Variants in NOC2L observed in about 807,000 individuals in gnomAD.
NOC2L encodes nucleolar complex protein 2 homolog.
Under a neutral mutation model 94.2 loss-of-function variants are expected in NOC2L, and 101 were observed. The ratio of observed to expected loss-of-function variants is 1.07; its 90% CI spans 0.91 to 1.26. NOC2L has a LOEUF of 1.26. Ranked by LOEUF, NOC2L falls within the 50% of genes most tolerant of loss-of-function variation. The pLI is 0.00. For missense variants in NOC2L, 1,076 were observed against 980.1 expected (o/e 1.10, Z -1.31); for synonymous variants, 531 against 413.4 (o/e 1.28, Z -3.45).
At chr1:951,536 G>A (rs1248294608) in intron 11 of NOC2L, among the ~76,000 whole-genome samples, 2 of 152,140 alleles carry the variant, frequency 1.3e-5, no homozygotes, top group African/African-American at 4.8e-5. Flanking sequence ...TCCCAGCCTT[G>A]AGTTTCTAAG....
chr1:958,994 C>T lies in NOC2L; in HGVS notation c.114G>A (p.Ala38=), dbSNP rs774257729. The T allele has an allele frequency of 6.2e-7, 1 of 1,612,744 alleles. No homozygotes were observed. Among genetic ancestry groups the T allele is most frequent in the Non-Finnish European group, 8.5e-7 (1 of 1,179,958 alleles). Residue 38 remains alanine, a synonymous_variant, in exon 2 of 19, where the codon GCG becomes GCA. Coordinates refer to ENST00000327044, the MANE Select transcript of NOC2L (RefSeq NM_015658.4). Reference sequence around the variant, plus strand: ...CAGCCTCGCGTGCTTCCCGTGTCTCCGCTTGTGGAGAATTTTCGGACTCGG... The same window carrying T: ...CAGCCTCGCGTGCTTCCCGTGTCTCTGCTTGTGGAGAATTTTCGGACTCGG... ...SESESENSPQ[A]ETREAREAAR...
In NOC2L at chr1:952,168, G is replaced by T. The variant is rs761794552; in HGVS notation, c.1192-29C>A. 1.9e-6 allele frequency: 3 copies of T among 1,612,312 alleles called. No homozygotes were observed. The Admixed American group carries it at 5.0e-5, about 27-fold the overall frequency. On this transcript the variant is annotated intron_variant, in intron 10 of 18. Transcript: ENST00000327044. Reference sequence around the variant, plus strand: ...GTCAGAGAGAACCACGTCAGCTACTGGCCAGGCTGACAAGTCAGGCTGATG... The same window carrying T: ...GTCAGAGAGAACCACGTCAGCTACTTGCCAGGCTGACAAGTCAGGCTGATG...
intron 12 of NOC2L, among the ~76,000 whole-genome samples, chr1:950,213 TACAC>T (rs1224994390): frequency 6.7e-6 from 1 of 150,284 alleles, no homozygotes; most frequent in Non-Finnish European, 1.5e-5. Flanking sequence ...CACGCACAGG[TACAC>T]ACGCACAGTA....
chr1:958,820 A>G, intron 2 of NOC2L, 109 bp downstream of exon 2: 1 of 1,086,508 alleles, frequency 9.2e-7, no homozygotes, highest in Non-Finnish European at 1.4e-6. Flanking sequence ...TGGGGGGCAG[A>G]GGTCGGCGAT....
In NOC2L at chr1:946,505, C is replaced by T; in HGVS notation, c.1700G>A (p.Cys567Tyr). Residue 567 changes from cysteine to tyrosine, a missense_variant, in exon 15 of 19, where the codon TGC becomes TAC. Transcript: ENST00000327044. Reference protein sequence around the residue: ...FLRECKVANYCRQVQQLLGKV... With the variant: ...FLRECKVANYYRQVQQLLGKV... ...CCCAAGCAGCTGCTGCACCTGCCGG[C>T]AGTAGTTGGCCACCTTGCACTCCCG... The T allele has an allele frequency of 6.2e-7, 1 of 1,613,248 alleles. No homozygotes were observed.
At chr1:945,033 C>G (rs766738375) in intron 18 of NOC2L, 24 bp downstream of exon 18, 1 of 1,613,900 alleles carries the variant, frequency 6.2e-7, no homozygotes, top group South Asian at 1.1e-5. Flanking sequence ...CAGGGCCACA[C>G]CCTCTCACCC....
intron 11 of NOC2L, among the ~76,000 whole-genome samples, chr1:951,443 G>A (rs770882838): frequency 6.8e-6 from 1 of 147,884 alleles, no homozygotes; most frequent in Non-Finnish European, 1.5e-5. Flanking sequence ...ATTTCAACAC[G>A]GTGGCAGGGG....
chr1:953,563 C>T (rs1379598347), intron 8 of NOC2L, among the ~76,000 whole-genome samples: 1 of 152,270 alleles, frequency 6.6e-6, no homozygotes, highest in Non-Finnish European at 1.5e-5. Flanking sequence ...CGTGGCTTTG[C>T]TCACGGACTG....
chr1:958,600 C>T (rs1292531294), intron 2 of NOC2L: 7 of 530,310 alleles, frequency 1.3e-5, no homozygotes, highest in Middle Eastern at 2.8e-4. Flanking sequence ...CTCTCTTCAG[C>T]CCCTCTGTCC....
At chr1:955,826 G>A (rs1255715900) in intron 6 of NOC2L, 97 bp downstream of exon 6, 2 of 1,047,012 alleles carry the variant, frequency 1.9e-6, no homozygotes, top group African/African-American at 1.6e-5. Context: ...TGGCTCTGTT[G>A]CCATGTCTCT....
In NOC2L at chr1:944,320, G is replaced by T. The variant is rs774685381; in HGVS notation, c.*374C>A. 7.2e-7 allele frequency: 1 copy of T among 1,390,044 alleles called. No homozygotes were observed. The highest frequency in any genetic ancestry group is 9.3e-7 in the Non-Finnish European group (1 of 1,079,096). The allele number at this position is 1,390,044 out of a possible 1,614,324, so 86.1% of individuals were successfully genotyped here. On this transcript the variant is annotated 3_prime_UTR_variant, in exon 19 of 19. Coordinates refer to ENST00000327044, the MANE Select transcript of NOC2L (RefSeq NM_015658.4). ...AGGAACAAATTTTCAAAGACTTGGG[G>T]GAGTGAAGGCAGAGCCTGGTGCAGA...
intron 12 of NOC2L, among the ~76,000 whole-genome samples, chr1:948,833 G>A (rs978467584): frequency 3.5e-4 from 53 of 152,236 alleles, no homozygotes; most frequent in African/African-American, 1.2e-3. Context: ...CCCGAGTGGG[G>A]CTCTGATCAG....
intron 16 of NOC2L, 143 bp downstream of exon 16, chr1:946,030 C>T (rs1441500152): frequency 4.5e-6 from 3 of 661,394 alleles, no homozygotes; most frequent in Admixed American, 5.6e-5. Flanking sequence ...ACACCTACCC[C>T]CTCTCCAAGT....
chr1:957,535 G>A (rs1008493259), intron 2 of NOC2L: 10 of 476,040 alleles, frequency 2.1e-5, no homozygotes, highest in African/African-American at 1.4e-4. Flanking sequence ...CCCCAGCCGC[G>A]GTCTTCCCTG....
chr1:948,265 G>A (rs1331555290), intron 13 of NOC2L, 33 bp from the exon 14 acceptor site: 1 of 1,516,742 alleles, frequency 6.6e-7, no homozygotes, highest in South Asian at 1.2e-5. Context: ...GAGTGCATCA[G>A]GGAGAGGCTG....
At chr1:956,853 C>T in intron 4 of NOC2L, 41 bp downstream of exon 4, 1 of 1,610,730 alleles carries the variant, frequency 6.2e-7, no homozygotes, top group Non-Finnish European at 8.5e-7. Context: ...GGCCAGATTT[C>T]TGCCTGGGCA....
chr1:944,386 G>C lies in NOC2L; in HGVS notation c.*308C>G. 1 of 1,314,766 alleles carries C rather than the reference G, an allele frequency of 7.6e-7. No individual in the cohort carries two copies. Among genetic ancestry groups the C allele is most frequent in the South Asian group, 1.9e-5 (1 of 51,320 alleles). The allele number at this position is 1,314,766 out of a possible 1,614,324, so 81.4% of individuals were successfully genotyped here. A position where few individuals can be genotyped will look rare whatever the true frequency, so the allele number is the denominator to read the frequency against. ...GACGGAGGGCAGAGGTGGTGGAAGG[G>C]GCCAGGGGCCTGCAGGCCTCCCCCT... On this transcript the variant is annotated 3_prime_UTR_variant, in exon 19 of 19. Coordinates refer to ENST00000327044, the MANE Select transcript of NOC2L (RefSeq NM_015658.4).
chr1:956,313 C>G (rs1642400318), intron 4 of NOC2L, 98 bp from the exon 5 acceptor site: 1 of 1,439,116 alleles, frequency 6.9e-7, no homozygotes, highest in Admixed American at 1.8e-5. Context: ...CACCCTCACC[C>G]TCAGACATAG....
intron 12 of NOC2L, 39 bp downstream of exon 12, chr1:951,088 C>T (rs1395824197): frequency 2.1e-6 from 3 of 1,446,704 alleles, no homozygotes; most frequent in Admixed American, 2.0e-5. Context: ...CCTACAGGAG[C>T]AGGCAGAGGT....
Sources: gnomAD v4.1 joint callset for allele counts (sites outside exome capture counted in the v4.1 genomes callset) on GRCh38, gnomAD v4.1.1 for gene constraint, MANE v1.5 for transcripts, NCBI Gene and HGNC (gene_info 2026-07-23, HGNC 2026-07-21) for gene names.